STRA6: variants seen among roughly 807,000 people sequenced by gnomAD.
STRA6 encodes the protein signaling receptor and transporter of retinol STRA6.
A neutral mutation model predicts 83.6 loss-of-function variants in STRA6; 48 were observed. That is an observed-to-expected ratio of 0.57 (90% CI 0.46 to 0.73). The LOEUF (loss-of-function observed/expected upper bound fraction) is 0.73, where lower values mean the gene tolerates loss of function less well. Ranked by LOEUF, STRA6 falls within the 30% of genes least tolerant of loss-of-function variation. The probability of loss-of-function intolerance (pLI) is 0.00; values close to 1 mark genes in which losing one functional copy is unlikely to be tolerated. For synonymous variants in STRA6, 353 were observed against 362.3 expected, an observed-to-expected ratio of 0.97 and a Z score of 0.29; for missense variants, 760 against 838.8, an observed-to-expected ratio of 0.91 and a Z score of 1.16.
In STRA6 at chr15:74,191,069, G is replaced by A. The variant is rs765550400; in HGVS notation, c.865+98C>T. ...GGTAGTTGTCCCTCTTGATGACAAGGATTCTGGGGAGCAGGAGCCAGTCCT... is the reference window on the plus strand; with the variant it reads ...GGTAGTTGTCCCTCTTGATGACAAGAATTCTGGGGAGCAGGAGCCAGTCCT... On this transcript the variant is annotated intron_variant, in intron 10 of 18. Transcript: ENST00000395105. The A allele has an allele frequency of 4.5e-6, 7 of 1,570,354 alleles. No individual in the cohort carries two copies. In the Admixed American group the frequency reaches 5.7e-5, roughly 13 times the overall value.
upstream of STRA6, chr15:74,209,720 C>A: frequency 2.3e-6 from 1 of 434,396 alleles, no homozygotes; most frequent in Non-Finnish European, 4.1e-6. Flanking sequence ...TCTCCCTACC[C>A]CTCCCTCCCC....
In STRA6 at chr15:74,182,356, G is replaced by A. The variant is rs1467832913; in HGVS notation, c.1405C>T (p.Leu469=). The A allele has an allele frequency of 2.5e-6, 4 of 1,614,112 alleles. No homozygotes were observed. The South Asian group carries it at 3.3e-5, about 13-fold the overall frequency. ...TGTTTCACTCACCACGAGGACTCCA[G>A]GGAACGGAAGAGCAGGAGGTTCCTG... ...HGRNLLLFRS[L]ESSWPFWLTL... is the part of the protein sequence containing the mutation. The change falls in exon 15 of 19, where the codon CTG becomes TTG. Residue 469 remains leucine, a synonymous_variant. Transcript: ENST00000395105.
chr15:74,194,069 G>T, intron 7 of STRA6, 147 bp from the exon 8 acceptor site: 1 of 1,313,630 alleles, frequency 7.6e-7, no homozygotes, highest in Non-Finnish European at 1.1e-6. Flanking sequence ...TTCCCAACCT[G>T]CCACCCAGCG....
At chr15:74,190,788 G>A in intron 11 of STRA6, 52 bp downstream of exon 11, 1 of 1,613,450 alleles carries the variant, frequency 6.2e-7, no homozygotes, top group Non-Finnish European at 8.5e-7. Flanking sequence ...CAGGCTTGGG[G>A]GTTGAGGGCA....
At chr15:74,208,567 C>T (rs529517264) in intron 1 of STRA6, among the ~76,000 whole-genome samples, 3 of 152,258 alleles carry the variant, frequency 2.0e-5, no homozygotes, top group Non-Finnish European at 2.9e-5. Context: ...CAGGACTCTG[C>T]GAATGTCTCC....
At chr15:74,182,577 C>G (rs745835096) in intron 14 of STRA6, 117 bp from the exon 15 acceptor site, 1 of 773,314 alleles carries the variant, frequency 1.3e-6, no homozygotes, top group Non-Finnish European at 2.2e-6. Flanking sequence ...TAGATCTCTG[C>G]TCTGCCACTG....
intron 14 of STRA6, 197 bp from the exon 15 acceptor site, chr15:74,182,657 G>A: frequency 1.7e-6 from 1 of 590,168 alleles, no homozygotes; most frequent in Non-Finnish European, 3.0e-6. Flanking sequence ...GTAAAATGGG[G>A]ATAATAGTCC....
rs1041551323 is a variant in STRA6 at position 74,188,392 on chromosome 15, A to G, written c.1090+723T>C. On this transcript the variant is annotated intron_variant, in intron 12 of 18. Coordinates refer to ENST00000395105, the MANE Select transcript of STRA6 (RefSeq NM_022369.4). The surrounding 1 kb of genome is among the most constrained non-coding windows in gnomAD (Gnocchi z 4.5). ...GAAGGCGCATGCCTCCTGAGTCCTC[A>G]GCACCGGGCTTTGTCCCAAGGTGAT... Among the ~76,000 whole-genome samples the G allele has an allele frequency of 6.6e-6, 1 of 152,244 alleles. No individual in the cohort carries two copies. The highest frequency in any genetic ancestry group is 6.5e-5 in the Admixed American group (1 of 15,292).
At chr15:74,207,237 G>A (rs1029105219), upstream of STRA6, among the ~76,000 whole-genome samples, 1 of 152,188 alleles carries the variant, frequency 6.6e-6, no homozygotes, top group Non-Finnish European at 1.5e-5. Context: ...CAGGCCAGAA[G>A]GAATGGGGAA....
At chr15:74,194,032 G>A (rs1387283547) in intron 7 of STRA6, 110 bp from the exon 8 acceptor site, 4 of 1,546,318 alleles carry the variant, frequency 2.6e-6, no homozygotes, top group Non-Finnish European at 8.9e-7. Context: ...TGGTCTGGGG[G>A]GCCATGGGAA....
chr15:74,202,654 A>G lies in STRA6; in HGVS notation c.-16+59T>C, dbSNP rs930999167. On this transcript the variant is annotated intron_variant, in intron 1 of 18. Transcript: ENST00000395105. ...AAGGCTTGTCCAGTCTGAGCTGCCT[A>G]AAGAGACGCCCCTTCCTTCCCCTTT... 1.6e-5 allele frequency: 22 copies of G among 1,401,806 alleles called. No individual in the cohort carries two copies. In the African/African-American group the frequency reaches 3.0e-4, roughly 19 times the overall value. The allele number at this position is 1,401,806 out of a possible 1,614,324, so 86.8% of individuals were successfully genotyped here. A position where few individuals can be genotyped will look rare whatever the true frequency, so the allele number is the denominator to read the frequency against.
chr15:74,198,470 G>A (rs11633687), intron 2 of STRA6, among the ~76,000 whole-genome samples: 23,940 of 152,074 alleles, frequency 0.16, 2,483 homozygotes, highest in Non-Finnish European at 0.23. Flanking sequence ...CCTCTCCAGG[G>A]AGCCCCTCTG....
At chr15:74,187,628 G>A (rs1423691524) in intron 12 of STRA6, among the ~76,000 whole-genome samples, 2 of 152,046 alleles carry the variant, frequency 1.3e-5, no homozygotes, top group Non-Finnish European at 2.9e-5. Flanking sequence ...CTCCTTAGGC[G>A]AAGGACAGAC....
chr15:74,182,844 G>A (rs563371647), intron 14 of STRA6: 19 of 291,358 alleles, frequency 6.5e-5, no homozygotes, highest in East Asian at 4.3e-4. Context: ...CCTGGCATAC[G>A]GTAGGTGCCC....
upstream of STRA6, among the ~76,000 whole-genome samples, chr15:74,207,352 A>G (rs1300655077): frequency 2.0e-5 from 3 of 152,266 alleles, no homozygotes; most frequent in South Asian, 6.2e-4. Context: ...CAGTAATGCC[A>G]TAAGAAGCCC....
chr15:74,195,636 A>C lies in STRA6; in HGVS notation c.430+16T>G. 1 of 1,539,600 alleles carries C rather than the reference A, an allele frequency of 6.5e-7. No homozygotes were observed. Among genetic ancestry groups the C allele is most frequent in the Admixed American group, 2.0e-5 (1 of 50,984 alleles). ...GGCTCTGACTAGTCTCAACTCTGTG[A>C]TCTTGGGCAAGTTACCTCTTGGAGC... On this transcript the variant is annotated intron_variant, in intron 6 of 18. Coordinates refer to ENST00000395105, the MANE Select transcript of STRA6 (RefSeq NM_022369.4).
chr15:74,194,431 G>A, intron 7 of STRA6: 2 of 1,023,092 alleles, frequency 2.0e-6, no homozygotes, highest in African/African-American at 1.7e-5. Flanking sequence ...GTATGTGCCA[G>A]GTTCTAGGTG....
At chr15:74,192,350 C>T (rs778956324) in intron 8 of STRA6, among the ~76,000 whole-genome samples, 7 of 152,100 alleles carry the variant, frequency 4.6e-5, no homozygotes, top group Admixed American at 2.6e-4. Context: ...CAGGCTTCCT[C>T]GAGGGGTGTT....
chr15:74,187,460 T>C (rs1387525081), intron 12 of STRA6, among the ~76,000 whole-genome samples: 6 of 152,008 alleles, frequency 3.9e-5, no homozygotes, highest in Non-Finnish European at 8.8e-5. Flanking sequence ...GGAGAGGTAA[T>C]GCACTTTGCC....
Sources: allele counts gnomAD v4.1 joint callset (sites outside exome capture counted in the v4.1 genomes callset), GRCh38; gene constraint gnomAD v4.1.1; non-coding constraint Gnocchi (gnomAD v3.1); transcripts MANE v1.5; gene names NCBI Gene and HGNC (gene_info 2026-07-23, HGNC 2026-07-21).